The following ARFGEF3 variants were observed in gnomAD, a reference collection of about 807,000 sequenced individuals.
ARFGEF3 encodes brefeldin A-inhibited guanine nucleotide-exchange protein 3.
Under a neutral mutation model 221.7 loss-of-function variants are expected in ARFGEF3, and 96 were observed. The observed-to-expected ratio is 0.43, with a 90% confidence interval of 0.37 to 0.51. ARFGEF3 has a LOEUF of 0.51. Ranked by LOEUF, ARFGEF3 falls within the 20% of genes least tolerant of loss-of-function variation. The pLI is 0.00. For missense variants in ARFGEF3, 2,410 were observed against 2,789.9 expected, an observed-to-expected ratio of 0.86 and a Z score of 3.07; for synonymous variants, 1,145 against 1,126.8, an observed-to-expected ratio of 1.02 and a Z score of -0.32.
intron 27 of ARFGEF3, among the ~76,000 whole-genome samples, chr6:138,318,604 A>G (rs185023124): frequency 6.6e-6 from 1 of 152,362 alleles, no homozygotes; most frequent in East Asian, 1.9e-4. Context: ...ATTTTATGCA[A>G]TTATAAATAC....
At chr6:138,322,149 C>T (rs1332998299) in intron 29 of ARFGEF3, among the ~76,000 whole-genome samples, 1 of 152,132 alleles carries the variant, frequency 6.6e-6, no homozygotes. Flanking sequence ...CAGTTGAAGA[C>T]CTGAATAGAA....
rs953705861 is a variant in ARFGEF3 at position 138,253,881 on chromosome 6, G to A, written c.667G>A (p.Asp223Asn). Reference protein sequence around the residue: ...LCEKLQAAINDSQQLQLLYLE... With the variant: ...LCEKLQAAINNSQQLQLLYLE... ...TGTGTCGGTTCTGCTCTTCTGCAGT[G>A]ACAGCCAGCAGCTGCAGCTTCTCTA... Residue 223 changes from aspartate (D) to asparagine (N), a missense_variant and splice_region_variant, in exon 9 of 34, where the codon GAC (aspartate) becomes AAC (asparagine). Around this residue, in one of 5 missense-constraint regions of ARFGEF3, gnomAD observed 570 missense variants for 586.9 expected, o/e 0.97. Transcript: ENST00000251691. 1.3e-6 allele frequency: 2 copies of A among 1,574,570 alleles called. No individual in the cohort carries two copies. The highest frequency in any genetic ancestry group is 1.7e-6 in the Non-Finnish European group (2 of 1,159,596).
chr6:138,277,999 G>A (rs1037516561), intron 12 of ARFGEF3, among the ~76,000 whole-genome samples: 20 of 152,142 alleles, frequency 1.3e-4, no homozygotes, highest in Non-Finnish European at 1.9e-4. Context: ...AAGGCCCTGC[G>A]GCAGGTCCAG....
At chr6:138,165,059 A>G (rs1776697324) in intron 1 of ARFGEF3, among the ~76,000 whole-genome samples, 1 of 149,366 alleles carries the variant, frequency 6.7e-6, no homozygotes, top group Non-Finnish European at 1.5e-5. Flanking sequence ...TTAGACCCTC[A>G]TGGGAGAGAG....
intron 2 of ARFGEF3, 137 bp from the exon 3 acceptor site, chr6:138,206,905 A>T: frequency 1.5e-6 from 1 of 646,622 alleles, no homozygotes; most frequent in East Asian, 2.7e-5. Flanking sequence ...TCTTAAGCCC[A>T]TGTGCATTTT....
rs995807228 is a variant in ARFGEF3, at chr6:138,344,332, T to C, written c.*7846T>C. ...AAGCATTTTGTTTACTCCAAAGGCC[T>C]TGTCAAGGAAGCATAATTTTTTGTT... is the stretch of plus-strand genomic sequence containing the variant. On this transcript the variant is annotated 3_prime_UTR_variant, in exon 34 of 34. Coordinates refer to ENST00000251691, the MANE Select transcript of ARFGEF3 (RefSeq NM_020340.5). The C allele has an allele frequency of 1.3e-5, 2 of 152,202 alleles. No homozygotes were observed. Among genetic ancestry groups the C allele is most frequent in the African/African-American group, 4.8e-5 (2 of 41,456 alleles). The allele number at this position is 152,202 out of a possible 1,614,324, so 9.4% of individuals were successfully genotyped here.
intron 4 of ARFGEF3, among the ~76,000 whole-genome samples, chr6:138,219,159 CA>C (rs1182230524): frequency 6.6e-6 from 1 of 152,110 alleles, no homozygotes; most frequent in Non-Finnish European, 1.5e-5. Context: ...GCATGTTTAG[CA>C]GGGCAGAACA....
chr6:138,177,077 ATT>A (rs1343274872), intron 2 of ARFGEF3, among the ~76,000 whole-genome samples: 2 of 138,594 alleles, frequency 1.4e-5, no homozygotes, highest in East Asian at 2.2e-4. Flanking sequence ...TTATTTATTT[ATT>A]TATTTATTTA....
intron 10 of ARFGEF3, among the ~76,000 whole-genome samples, chr6:138,260,167 C>G (rs532208080): frequency 6.6e-6 from 1 of 152,302 alleles, no homozygotes; most frequent in Non-Finnish European, 1.5e-5. Context: ...TAGCCCCAGC[C>G]TTGTCACTCT....
intron 8 of ARFGEF3, among the ~76,000 whole-genome samples, chr6:138,252,246 C>A (rs1778596055): frequency 1.3e-5 from 2 of 152,158 alleles, no homozygotes; most frequent in African/African-American, 4.8e-5. Context: ...GGGTCAGGAA[C>A]CTTTTTCTAT....
chr6:138,243,917 A>T (rs1206970761), intron 7 of ARFGEF3, among the ~76,000 whole-genome samples: 1 of 152,182 alleles, frequency 6.6e-6, no homozygotes, highest in East Asian at 1.9e-4. Flanking sequence ...TGCCCTTTTC[A>T]GTTGGATGCT....
chr6:138,189,502 G>A (rs1238738476), intron 2 of ARFGEF3, among the ~76,000 whole-genome samples: 1 of 152,116 alleles, frequency 6.6e-6, no homozygotes, highest in Non-Finnish European at 1.5e-5. Context: ...TTAATATTTG[G>A]TTTATTTTCT....
chr6:138,285,229 C>T (rs912768659), intron 14 of ARFGEF3, among the ~76,000 whole-genome samples: 13 of 151,048 alleles, frequency 8.6e-5, no homozygotes, highest in Non-Finnish European at 8.8e-5. Context: ...TTTGGGAGGC[C>T]GAGGCAGGCA....
In ARFGEF3 at chr6:138,285,979, G is replaced by A. The variant is rs1779281017; in HGVS notation, c.2495G>A (p.Gly832Asp). Reference protein sequence around the residue: ...IDGLESSAIGGQLMASAATES... With the variant: ...IDGLESSAIGDQLMASAATES... ...GGCTTAGAGAGCAGTGCCATTGGTGGCCAGCTGATGGCCTCGGCTGCTACA... is the reference window on the plus strand; with the variant it reads ...GGCTTAGAGAGCAGTGCCATTGGTGACCAGCTGATGGCCTCGGCTGCTACA... Residue 832 changes from glycine (G) to aspartate (D), a missense_variant, in exon 15 of 34, where the codon GGC becomes GAC. Coordinates refer to ENST00000251691, the MANE Select transcript of ARFGEF3 (RefSeq NM_020340.5). 6.2e-7 allele frequency: 1 copy of A among 1,611,648 alleles called. No homozygotes were observed. The highest frequency in any genetic ancestry group is 8.5e-7 in the Non-Finnish European group (1 of 1,179,608).
rs989899107 is a variant in ARFGEF3, at chr6:138,217,841, C to A, written c.351+7800C>A. 4.3e-6 allele frequency: 5 copies of A among 1,151,144 alleles called. No homozygotes were observed. In the African/African-American group the frequency reaches 7.8e-5, roughly 18 times the overall value. 71.3% of individuals were successfully genotyped at this position (1,151,144 alleles called of 1,614,324 possible). A position where few individuals can be genotyped will look rare whatever the true frequency, so the allele number is the denominator to read the frequency against. On this transcript the variant is annotated intron_variant, in intron 4 of 33. Transcript: ENST00000251691. Reference sequence around the variant, plus strand: ...GGTTTGTATTTTAGAATTGAAATAACCTCCTACATCATCAAATTCTTTTCA... The same window carrying A: ...GGTTTGTATTTTAGAATTGAAATAAACTCCTACATCATCAAATTCTTTTCA...
In ARFGEF3 at chr6:138,335,137, C is replaced by A; in HGVS notation, c.6291C>A (p.Ser2097=). The A allele has an allele frequency of 1.3e-6, 2 of 1,591,308 alleles. No individual in the cohort carries two copies. The highest frequency in any genetic ancestry group is 1.7e-6 in the Non-Finnish European group (2 of 1,171,730). ...AGGACAAGAGGCCCCGCTCAGGCTC[C>A]ACCGGGAGCTCCCTCAGTGTCTCGG... ...LRQDKRPRSG[S]TGSSLSVSVR... Residue 2097 remains serine, a synonymous_variant, in exon 33 of 34, where the codon TCC becomes TCA. Transcript: ENST00000251691.
At chr6:138,193,770 C>T (rs772216450) in intron 2 of ARFGEF3, among the ~76,000 whole-genome samples, 70 of 152,104 alleles carry the variant, frequency 4.6e-4, no homozygotes, top group Non-Finnish European at 7.4e-4. Context: ...TATAATACAT[C>T]TATTTATACA....
chr6:138,182,720 C>G (rs1056513559), intron 2 of ARFGEF3, among the ~76,000 whole-genome samples: 1 of 152,148 alleles, frequency 6.6e-6, no homozygotes, highest in Non-Finnish European at 1.5e-5. Flanking sequence ...TAACTCTTAC[C>G]TCTCCACCTT....
At chr6:138,193,101 C>T (rs1777341320) in intron 2 of ARFGEF3, among the ~76,000 whole-genome samples, 1 of 152,154 alleles carries the variant, frequency 6.6e-6, no homozygotes, top group African/African-American at 2.4e-5. Context: ...GCTCAAAGCT[C>T]CTTTGTGAAA....
Sources: gnomAD v4.1 joint callset for allele counts (sites outside exome capture counted in the v4.1 genomes callset) on GRCh38, gnomAD v4.1.1 for gene constraint, gnomAD v4.1.1 regional missense constraint, MANE v1.5 for transcripts, NCBI Gene and HGNC (gene_info 2026-07-23, HGNC 2026-07-21) for gene names.